SYT1: variants seen among roughly 807,000 people sequenced by gnomAD.
The protein encoded by SYT1 is synaptotagmin 1.
A neutral mutation model predicts 44.8 loss-of-function variants in SYT1; 8 were observed. The observed-to-expected ratio is 0.18, with a 90% CI of 0.10 to 0.32. The LOEUF (loss-of-function observed/expected upper bound fraction) is 0.32. Ranked by LOEUF, SYT1 falls within the 10% of genes least tolerant of loss-of-function variation. The probability of loss-of-function intolerance (pLI) is 1.00; values close to 1 mark genes in which losing one functional copy is unlikely to be tolerated. For synonymous variants in SYT1, 154 were observed against 188.8 expected (o/e 0.82, Z 1.51); for missense variants, 286 against 509.3 (o/e 0.56, Z 4.22).
At chr12:78,921,456 A>G (rs1295453901) in intron 1 of SYT1, among the ~76,000 whole-genome samples, 3 of 152,030 alleles carry the variant, frequency 2.0e-5, no homozygotes, top group East Asian at 1.9e-4. Flanking sequence ...AGACTTTAAT[A>G]TTCTTAAACA....
At chr12:78,869,213 A>G (rs978587735) in intron 1 of SYT1, among the ~76,000 whole-genome samples, 6 of 151,646 alleles carry the variant, frequency 4.0e-5, no homozygotes, top group Admixed American at 3.9e-4. Flanking sequence ...AACATTTCCA[A>G]AAAAAAAGAT....
At chr12:79,146,827 G>A (rs1441813579) in intron 3 of SYT1, among the ~76,000 whole-genome samples, 1 of 151,798 alleles carries the variant, frequency 6.6e-6, no homozygotes, top group Non-Finnish European at 1.5e-5. Context: ...GGAGATAAAA[G>A]GCTAAACAGC....
chr12:78,902,709 G>A (rs1249982713), intron 1 of SYT1, among the ~76,000 whole-genome samples: 1 of 152,026 alleles, frequency 6.6e-6, no homozygotes, highest in African/African-American at 2.4e-5. Context: ...AGAAATTTAA[G>A]TTTATTTTTT....
chr12:79,170,057 C>T (rs781207471), intron 3 of SYT1, among the ~76,000 whole-genome samples: 3 of 152,076 alleles, frequency 2.0e-5, no homozygotes, highest in Non-Finnish European at 2.9e-5. Context: ...CATAGTATTC[C>T]GTGGTGTATA....
chr12:78,956,153 T>C (rs1321699888), intron 1 of SYT1, among the ~76,000 whole-genome samples: 2 of 152,036 alleles, frequency 1.3e-5, no homozygotes, highest in African/African-American at 2.4e-5. Flanking sequence ...AGTATCTTAG[T>C]AATAATGGAG....
intron 3 of SYT1, among the ~76,000 whole-genome samples, chr12:79,105,520 G>A (rs1257464602): frequency 6.6e-6 from 1 of 152,192 alleles, no homozygotes; most frequent in East Asian, 1.9e-4. Context: ...TGATGTGTCA[G>A]CAGTAAACTT....
At chr12:79,014,577 G>A (rs1350433461) in intron 2 of SYT1, among the ~76,000 whole-genome samples, 1 of 152,080 alleles carries the variant, frequency 6.6e-6, no homozygotes, top group Non-Finnish European at 1.5e-5. Flanking sequence ...TGCTGGAGAG[G>A]ATGTGGAGAA....
At chr12:79,084,288 G>T (rs75888683) in intron 3 of SYT1, among the ~76,000 whole-genome samples, 4,177 of 152,106 alleles carry the variant, frequency 0.027, 83 homozygotes, top group Non-Finnish European at 0.043. Flanking sequence ...CATTCATCTA[G>T]ATATTATTAA....
At chr12:79,262,899 A>G (rs903750700) in intron 4 of SYT1, among the ~76,000 whole-genome samples, 2 of 152,204 alleles carry the variant, frequency 1.3e-5, no homozygotes, top group Non-Finnish European at 2.9e-5. Flanking sequence ...AAAGCAGCTC[A>G]CAAAAAAGAT....
intron 9 of SYT1, among the ~76,000 whole-genome samples, chr12:79,362,893 C>G (rs1298014749): frequency 6.6e-6 from 1 of 152,124 alleles, no homozygotes; most frequent in Non-Finnish European, 1.5e-5. Flanking sequence ...ACGTGTTGCT[C>G]TAGGAAATGG....
chr12:79,150,367 A>G (rs954321037), intron 3 of SYT1, among the ~76,000 whole-genome samples: 2 of 152,202 alleles, frequency 1.3e-5, no homozygotes, highest in Non-Finnish European at 2.9e-5. Flanking sequence ...TAAATATTGC[A>G]TGGTCTCACT....
chr12:79,260,681 C>T (rs1226828590), intron 4 of SYT1, among the ~76,000 whole-genome samples: 1 of 152,156 alleles, frequency 6.6e-6, no homozygotes, highest in Admixed American at 6.5e-5. Flanking sequence ...CTCTACTCCA[C>T]AATCCCCATC....
chr12:79,429,598 G>A (rs796193479), intron 9 of SYT1, among the ~76,000 whole-genome samples: 3 of 151,510 alleles, frequency 2.0e-5, no homozygotes, highest in African/African-American at 4.8e-5. Context: ...ACGCGATCTC[G>A]GCTCACTGCA....
chr12:79,310,495 T>C (rs1880720659), intron 8 of SYT1, among the ~76,000 whole-genome samples: 1 of 152,210 alleles, frequency 6.6e-6, no homozygotes, highest in African/African-American at 2.4e-5. Context: ...GACTTGGCAA[T>C]GCAGGCTCTT....
chr12:78,958,569 C>G (rs1459612048), intron 1 of SYT1, among the ~76,000 whole-genome samples: 1 of 152,040 alleles, frequency 6.6e-6, no homozygotes, highest in Non-Finnish European at 1.5e-5. Flanking sequence ...GTGGCACACA[C>G]CTGAAATCCC....
intron 4 of SYT1, among the ~76,000 whole-genome samples, chr12:79,277,153 C>T (rs1878783362): frequency 6.6e-6 from 1 of 151,784 alleles, no homozygotes; most frequent in African/African-American, 2.4e-5. Context: ...CTGGGAGATA[C>T]ATTACAAAAA....
intron 3 of SYT1, among the ~76,000 whole-genome samples, chr12:79,182,023 A>G (rs1872577838): frequency 6.6e-6 from 1 of 151,994 alleles, no homozygotes; most frequent in Non-Finnish European, 1.5e-5. Flanking sequence ...GTCTACACAC[A>G]TGTATAGGTC....
At chr12:79,144,492 C>T (rs1869755557) in intron 3 of SYT1, among the ~76,000 whole-genome samples, 1 of 152,084 alleles carries the variant, frequency 6.6e-6, no homozygotes, top group Admixed American at 6.5e-5. Context: ...GTGCAAGGAC[C>T]CTTTCCAAGA....
chr12:79,303,762 G>A (rs1280046546), intron 8 of SYT1, among the ~76,000 whole-genome samples: 2 of 152,110 alleles, frequency 1.3e-5, no homozygotes, highest in Admixed American at 6.6e-5. Flanking sequence ...CAATCAAATG[G>A]CAACAGTTTT....
Sources: gnomAD v4.1 joint callset for allele counts (sites outside exome capture counted in the v4.1 genomes callset) on GRCh38, gnomAD v4.1.1 for gene constraint, MANE v1.5 for transcripts, NCBI Gene and HGNC (gene_info 2026-07-23, HGNC 2026-07-21) for gene names.